The following TMEM254 variants were observed in gnomAD, a reference collection of about 807,000 sequenced individuals.
The protein encoded by TMEM254 is transmembrane protein 254, also known as transmembrane protein C10orf57.
Under a neutral mutation model 13.9 loss-of-function variants are expected in TMEM254, and 16 were observed. The ratio of observed to expected loss-of-function variants is 1.15; its 90% CI spans 0.78 to 1.75. The LOEUF (loss-of-function observed/expected upper bound fraction) is 1.75, where lower values mean the gene tolerates loss of function less well. Among genes scored for constraint, TMEM254 ranks in the 40% most tolerant of loss-of-function variants. The pLI, the probability that TMEM254 is intolerant of heterozygous loss-of-function variation, is 0.00. For synonymous variants in TMEM254, 61 were observed against 56.4 expected (o/e 1.08, Z -0.36); for missense variants, 155 against 149.0 (o/e 1.04, Z -0.21).
intron 3 of TMEM254, among the ~76,000 whole-genome samples, chr10:80,087,767 A>G (rs1403956852): frequency 6.6e-6 from 1 of 152,192 alleles, no homozygotes; most frequent in African/African-American, 2.4e-5. Context: ...CCATTTCCCC[A>G]CAATCTCACC....
rs1844563097 is a variant in TMEM254, at chr10:80,091,181, A to G, written c.*264A>G. The G allele has an allele frequency of 6.1e-6, 2 of 330,284 alleles. No homozygotes were observed. Among genetic ancestry groups the G allele is most frequent in the South Asian group, 9.3e-5 (2 of 21,428 alleles). 20.5% of individuals were successfully genotyped at this position (330,284 alleles called of 1,614,324 possible). A position where few individuals can be genotyped will look rare whatever the true frequency, so the allele number is the denominator to read the frequency against. ...GGCAGAGGACTTCAGCTACCTTCTT[A>G]CAGTCTTTGGCTGTGTTGGTACCCT... On this transcript the variant is annotated 3_prime_UTR_variant, in exon 4 of 4. Transcript: ENST00000372281.
At chr10:80,079,813 A>G (rs964853751) in intron 1 of TMEM254, 21 of 516,472 alleles carry the variant, frequency 4.1e-5, no homozygotes, top group Non-Finnish European at 1.2e-5. Context: ...CCCAGGTTCA[A>G]GCGATTCTCA....
chr10:80,081,993 A>T lies in TMEM254; in HGVS notation c.191+49A>T, dbSNP rs763207129. On this transcript the variant is annotated intron_variant, in intron 2 of 3. Coordinates refer to ENST00000372281, the MANE Select transcript of TMEM254 (RefSeq NM_025125.4). ...CTGTGGACACTGGAGCTCTGGTCTC[A>T]TGGGAAACCTGGAAGGCCTGCAGCT... 2.4e-5 allele frequency: 38 copies of T among 1,595,438 alleles called. No individual in the cohort carries two copies. In the East Asian group the frequency reaches 8.3e-4, roughly 35 times the overall value.
rs777748708 is a variant in TMEM254, at chr10:80,091,607, CTG to C, written c.*693_*694del. On this transcript the variant is annotated 3_prime_UTR_variant, in exon 4 of 4. Transcript: ENST00000372281. Reference sequence around the variant, plus strand: ...TTCCCTCCACCTGGCCCCTGGGACACTGTGCTCTGCAGTGTGCAGGGCCTGAT... The same window carrying C: ...TTCCCTCCACCTGGCCCCTGGGACACTGCTCTGCAGTGTGCAGGGCCTGAT... The C allele has an allele frequency of 2.6e-5, 4 of 152,490 alleles. No homozygotes were observed. The highest frequency in any genetic ancestry group is 4.4e-5 in the Non-Finnish European group (3 of 68,252). The allele number at this position is 152,490 out of a possible 1,614,324, so 9.4% of individuals were successfully genotyped here.
At chr10:80,081,561 G>A in intron 1 of TMEM254, 1 of 854,586 alleles carries the variant, frequency 1.2e-6, no homozygotes, top group Non-Finnish European at 1.8e-6. Flanking sequence ...CCATCTACTT[G>A]GGAGGCTGAG....
chr10:80,079,353 G>T (rs1242389940), intron 1 of TMEM254: 5 of 1,181,186 alleles, frequency 4.2e-6, no homozygotes, highest in Non-Finnish European at 5.3e-6. Context: ...CTGCTTTCTA[G>T]TGTTCCTGTC....
At chr10:80,085,581 C>T (rs1015924700) in intron 3 of TMEM254, among the ~76,000 whole-genome samples, 7 of 150,800 alleles carry the variant, frequency 4.6e-5, no homozygotes, top group Non-Finnish European at 7.4e-5. Context: ...AAAAAAAAGA[C>T]AAGAAAAAGA....
In TMEM254 at chr10:80,090,296, C is replaced by G. The variant is rs981705935; in HGVS notation, c.252-501C>G. 5.7e-6 allele frequency: 4 copies of G among 698,556 alleles called. No homozygotes were observed. In the Admixed American group the frequency reaches 8.3e-5, roughly 15 times the overall value. The allele number at this position is 698,556 out of a possible 1,614,324, so 43.3% of individuals were successfully genotyped here. A position where few individuals can be genotyped will look rare whatever the true frequency, so the allele number is the denominator to read the frequency against. On this transcript the variant is annotated intron_variant, in intron 3 of 3. Coordinates refer to ENST00000372281, the MANE Select transcript of TMEM254 (RefSeq NM_025125.4). ...GTTTATCATGACTGTGTGCCAGGCT[C>G]CTTCCTGAGCATGTTGTGTGTATTA... is the stretch of plus-strand genomic sequence containing the variant.
chr10:80,082,001 C>T, intron 2 of TMEM254, 57 bp downstream of exon 2: 1 of 1,583,438 alleles, frequency 6.3e-7, no homozygotes, highest in Admixed American at 1.7e-5. Flanking sequence ...TCATGGGAAA[C>T]CTGGAAGGCC....
intron 3 of TMEM254, chr10:80,090,367 TCC>T: frequency 1.4e-6 from 1 of 717,556 alleles, no homozygotes; most frequent in East Asian, 2.7e-5. Context: ...CTACTGCTGT[TCC>T]TGTTTTTCAG....
At chr10:80,081,345 A>G (rs1293873168) in intron 1 of TMEM254, among the ~76,000 whole-genome samples, 10 of 152,150 alleles carry the variant, frequency 6.6e-5, no homozygotes, top group Non-Finnish European at 1.0e-4. Context: ...TTTCCTCAGC[A>G]TAAGTCTCCC....
At chr10:80,079,279 C>G in intron 1 of TMEM254, 1 of 1,213,782 alleles carries the variant, frequency 8.2e-7, no homozygotes. Flanking sequence ...TGTGCGCACG[C>G]GCATCTGACG....
chr10:80,082,190 C>T lies in TMEM254; in HGVS notation c.237C>T (p.Ala79=), dbSNP rs759752154. The change falls in exon 3 of 4, where the codon GCC becomes GCT. Residue 79 remains alanine (A), a synonymous_variant. Coordinates refer to ENST00000372281, the MANE Select transcript of TMEM254 (RefSeq NM_025125.4). Reference sequence around the variant, plus strand: ...TTCATGTGGGAGAGTCCTTGTATGCCATAGTATTGTGCAAGTAAGTCTTTG... The same window carrying T: ...TTCATGTGGGAGAGTCCTTGTATGCTATAGTATTGTGCAAGTAAGTCTTTG... The part of the protein sequence containing the change: ...WLIHVGESLY[A]IVLCKHKGIT... 1 of 1,614,080 alleles carries T rather than the reference C, an allele frequency of 6.2e-7. No individual in the cohort carries two copies. The highest frequency in any genetic ancestry group is 1.1e-5 in the South Asian group (1 of 91,070).
chr10:80,086,476 T>G (rs1405773643), intron 3 of TMEM254: 1 of 329,552 alleles, frequency 3.0e-6, no homozygotes, highest in African/African-American at 2.2e-5. Flanking sequence ...ATATTTTTGT[T>G]GTTTTGCCTA....
intron 3 of TMEM254, chr10:80,086,118 A>G (rs1160625792): frequency 6.1e-5 from 35 of 577,322 alleles, no homozygotes. Flanking sequence ...AAGGCAGGAA[A>G]AAGTGTACTC....
chr10:80,079,366 T>C (rs190248007), intron 1 of TMEM254: 6 of 1,174,328 alleles, frequency 5.1e-6, no homozygotes, highest in Non-Finnish European at 6.4e-6. Context: ...TTCCTGTCTT[T>C]GGGTCCTCAC....
chr10:80,087,736 A>G (rs1287231423), intron 3 of TMEM254, among the ~76,000 whole-genome samples: 1 of 152,192 alleles, frequency 6.6e-6, no homozygotes, highest in Non-Finnish European at 1.5e-5. Flanking sequence ...TTATTCTTCT[A>G]ACATAAATAT....
rs1398069451 is a variant in TMEM254, at chr10:80,081,962, A to G, written c.191+18A>G. ...TGCAATGGGTAAGGAGAGCTGCACAAGTGGACTGTGGACACTGGAGCTCTG... is the reference window on the plus strand; with the variant it reads ...TGCAATGGGTAAGGAGAGCTGCACAGGTGGACTGTGGACACTGGAGCTCTG... On this transcript the variant is annotated intron_variant, in intron 2 of 3. Transcript: ENST00000372281. 2 of 1,609,876 alleles carry G rather than the reference A, an allele frequency of 1.2e-6. No homozygotes were observed. Among genetic ancestry groups the G allele is most frequent in the Admixed American group, 1.7e-5 (1 of 59,922 alleles).
intron 3 of TMEM254, chr10:80,090,450 A>G (rs1181605610): frequency 2.8e-6 from 2 of 717,154 alleles, no homozygotes; most frequent in East Asian, 2.7e-5. Context: ...CCACGCTAGG[A>G]TTTATATCTG....
Sources: gnomAD v4.1 joint callset for allele counts (sites outside exome capture counted in the v4.1 genomes callset) on GRCh38, gnomAD v4.1.1 for gene constraint, MANE v1.5 for transcripts, NCBI Gene and HGNC (gene_info 2026-07-23, HGNC 2026-07-21) for gene names.